TBC1D8: variants seen among roughly 807,000 people sequenced by gnomAD.
TBC1D8 encodes the protein TBC1 domain family member 8.
Under a neutral mutation model 118.8 loss-of-function variants are expected in TBC1D8, and 65 were observed. That is an observed-to-expected ratio of 0.55 (90% CI 0.45 to 0.67). The LOEUF is 0.67. TBC1D8 is among the 30% of genes least tolerant of loss of function. The pLI is 0.00. For synonymous variants in TBC1D8, 566 were observed against 595.8 expected, an observed-to-expected ratio of 0.95 and a Z score of 0.73; for missense variants, 1,376 against 1,471.2, an observed-to-expected ratio of 0.94 and a Z score of 1.06.
Position 101,007,688 on chromosome 2 carries a change from T to G in TBC1D8, c.*133A>C. On this transcript the variant is annotated 3_prime_UTR_variant, in exon 20 of 20. Transcript: ENST00000409318. ...GTTGTGTCGGTTCCCCTGGCCACAG[T>G]TTGTCAGGTTGTTTAGCCAGATGCC... is the stretch of plus-strand genomic sequence containing the variant. 1.1e-6 allele frequency: 1 copy of G among 899,604 alleles called. No homozygotes were observed. The highest frequency in any genetic ancestry group is 1.7e-6 in the Non-Finnish European group (1 of 584,772). 55.7% of individuals were successfully genotyped at this position (899,604 alleles called of 1,614,324 possible).
intron 1 of TBC1D8, among the ~76,000 whole-genome samples, chr2:101,134,995 A>C (rs1040599101): frequency 3.3e-5 from 5 of 152,106 alleles, no homozygotes; most frequent in Admixed American, 3.3e-4. Flanking sequence ...AACATAGTGA[A>C]ACCCCGTCTC....
intron 1 of TBC1D8, among the ~76,000 whole-genome samples, chr2:101,112,548 A>G (rs1677653276): frequency 1.3e-5 from 2 of 152,242 alleles, no homozygotes; most frequent in South Asian, 2.1e-4. Context: ...CATCAGGGTT[A>G]GACTGGAACA....
intron 9 of TBC1D8, 98 bp downstream of exon 9, chr2:101,035,918 CAT>C: frequency 7.5e-7 from 1 of 1,338,608 alleles, no homozygotes; most frequent in Non-Finnish European, 1.0e-6. Context: ...AAGACAGAAC[CAT>C]TTCATCTGCA....
intron 17 of TBC1D8, among the ~76,000 whole-genome samples, chr2:101,012,650 G>A (rs976636854): frequency 8.6e-5 from 13 of 151,592 alleles, no homozygotes; most frequent in African/African-American, 2.9e-4. Context: ...CCATTGAATT[G>A]TACGCTTTAA....
intron 2 of TBC1D8, among the ~76,000 whole-genome samples, chr2:101,070,751 A>C (rs1310557357): frequency 2.0e-5 from 3 of 152,194 alleles, no homozygotes; most frequent in East Asian, 1.9e-4. Context: ...CCTATTCTGT[A>C]GTCAGCTAAG....
intron 5 of TBC1D8, among the ~76,000 whole-genome samples, chr2:101,045,345 C>T (rs1275486761): frequency 6.6e-6 from 1 of 152,224 alleles, no homozygotes; most frequent in Non-Finnish European, 1.5e-5. Context: ...CCCTTTCTCT[C>T]TCTGTCTCCC....
chr2:101,009,038 G>A (rs896201212), intron 19 of TBC1D8, among the ~76,000 whole-genome samples: 6 of 152,264 alleles, frequency 3.9e-5, no homozygotes, highest in South Asian at 2.1e-4. Context: ...TTGAGAATAC[G>A]TAATGTGAGG....
chr2:101,039,236 C>CA (rs1183917172), intron 6 of TBC1D8, among the ~76,000 whole-genome samples: 12 of 151,896 alleles, frequency 7.9e-5, no homozygotes, highest in African/African-American at 2.7e-4. Flanking sequence ...TACACATTAC[C>CA]AAAAAAAATT....
intron 5 of TBC1D8, among the ~76,000 whole-genome samples, chr2:101,046,168 C>T (rs1027270034): frequency 2.0e-5 from 3 of 152,210 alleles, no homozygotes; most frequent in African/African-American, 7.2e-5. Flanking sequence ...TGTGACCCCC[C>T]CAGGAGTCCT....
chr2:101,077,064 C>T (rs991030019), intron 2 of TBC1D8, among the ~76,000 whole-genome samples: 3 of 152,186 alleles, frequency 2.0e-5, no homozygotes, highest in Admixed American at 2.0e-4. Flanking sequence ...CGCTCTGTCG[C>T]CCAGACTGGA....
intron 1 of TBC1D8, among the ~76,000 whole-genome samples, chr2:101,148,670 A>T (rs910919134): frequency 6.6e-6 from 1 of 152,208 alleles, no homozygotes; most frequent in Admixed American, 6.5e-5. Context: ...CTACTAATAC[A>T]AATTCAGCAT....
chr2:101,149,148 C>T (rs1471952743), intron 1 of TBC1D8, among the ~76,000 whole-genome samples: 6 of 152,140 alleles, frequency 3.9e-5, no homozygotes, highest in Non-Finnish European at 8.8e-5. Context: ...TCTTTATGGT[C>T]GATCTTGTTG....
intron 1 of TBC1D8, among the ~76,000 whole-genome samples, chr2:101,128,274 C>A (rs1678437920): frequency 6.6e-6 from 1 of 152,148 alleles, no homozygotes; most frequent in Admixed American, 6.5e-5. Flanking sequence ...CCTGAAAATG[C>A]CCCAAATCAA....
At chr2:101,077,543 G>T (rs182332578) in intron 2 of TBC1D8, among the ~76,000 whole-genome samples, 1 of 152,100 alleles carries the variant, frequency 6.6e-6, no homozygotes, top group Non-Finnish European at 1.5e-5. Context: ...CACCGTGCCC[G>T]GCCGGTGCTA....
rs138248158 is a variant in TBC1D8 at position 101,047,369 on chromosome 2, C to T, written c.872+3032G>A. On this transcript the variant is annotated intron_variant, in intron 5 of 19. Coordinates refer to ENST00000409318, the MANE Select transcript of TBC1D8 (RefSeq NM_001330348.2). ...TTGGCAATCTGAGGCTCACCCGGCT[C>T]GTGACCCCAAGGGCACCTTTCTGCA... is the stretch of plus-strand genomic sequence containing the variant. Among the ~76,000 whole-genome samples the T allele has an allele frequency of 3.6e-3, 541 of 152,288 alleles. 2 individuals carry two copies. Among genetic ancestry groups the T allele is most frequent in the African/African-American group, 0.012 (500 of 41,554 alleles).
intron 1 of TBC1D8, among the ~76,000 whole-genome samples, chr2:101,092,002 C>A (rs1287615678): frequency 6.6e-6 from 1 of 152,180 alleles, no homozygotes; most frequent in Non-Finnish European, 1.5e-5. Flanking sequence ...ACAGTACAAC[C>A]ATCAAATTCA....
chr2:101,110,014 C>T (rs17795653), intron 1 of TBC1D8: 127,564 of 985,168 alleles, frequency 0.13, 8,785 homozygotes, highest in South Asian at 0.2. Context: ...GAAAATCCTC[C>T]TGGCGTCTCA....
At position 101,027,378 on chromosome 2, in the gene TBC1D8, C is replaced by T. The variant is rs200366439; in HGVS notation, c.2520+5G>A. Reference sequence around the variant, plus strand: ...GGAACCCCTCATCTTCCCAGAGCTGCGTACCTTGAATAAGTCGTAGAGCTC... The same window carrying T: ...GGAACCCCTCATCTTCCCAGAGCTGTGTACCTTGAATAAGTCGTAGAGCTC... On this transcript the variant is annotated splice_donor_5th_base_variant and intron_variant, in intron 15 of 19. Coordinates refer to ENST00000409318, the MANE Select transcript of TBC1D8 (RefSeq NM_001330348.2). 4.5e-5 allele frequency: 72 copies of T among 1,612,584 alleles called. 1 individual carries two copies. The African/African-American group carries it at 8.3e-4, about 19-fold the overall frequency.
intron 17 of TBC1D8, among the ~76,000 whole-genome samples, chr2:101,014,326 C>T (rs555814709): frequency 6.6e-6 from 1 of 152,158 alleles, no homozygotes; most frequent in South Asian, 2.1e-4. Context: ...TGCCCATCAT[C>T]GAATCAAACA....
Sources: gnomAD v4.1 joint callset for allele counts (sites outside exome capture counted in the v4.1 genomes callset) on GRCh38, gnomAD v4.1.1 for gene constraint, MANE v1.5 for transcripts, NCBI Gene and HGNC (gene_info 2026-07-23, HGNC 2026-07-21) for gene names.